TTC23L: variants seen among roughly 807,000 people sequenced by gnomAD.
The protein encoded by TTC23L is tetratricopeptide repeat domain 23 like.
Under a neutral mutation model 48.1 loss-of-function variants are expected in TTC23L, and 42 were observed. That is an observed-to-expected ratio of 0.87 (90% CI 0.68 to 1.13). The LOEUF is 1.13. Ranked by LOEUF, TTC23L falls within the 50% of genes most tolerant of loss-of-function variation. The pLI, the probability that TTC23L is intolerant of heterozygous loss-of-function variation, is 0.00. For synonymous variants in TTC23L, 159 were observed against 157.2 expected (o/e 1.01, Z -0.09); for missense variants, 391 against 421.0 (o/e 0.93, Z 0.62).
At chr5:34,859,906 T>C (rs1760460841) in intron 4 of TTC23L, among the ~76,000 whole-genome samples, 1 of 142,594 alleles carries the variant, frequency 7.0e-6, no homozygotes, top group Admixed American at 7.7e-5. Context: ...TGCAGTAGCG[T>C]GATCTCGGCT....
At chr5:34,874,165 T>C (rs1418981475) in intron 8 of TTC23L, among the ~76,000 whole-genome samples, 1 of 152,080 alleles carries the variant, frequency 6.6e-6, no homozygotes, top group East Asian at 1.9e-4. Context: ...AGAATCACAA[T>C]GTACCAAAGT....
chr5:34,882,301 G>A (rs931321201), intron 9 of TTC23L, among the ~76,000 whole-genome samples: 1 of 152,116 alleles, frequency 6.6e-6, no homozygotes, highest in Non-Finnish European at 1.5e-5. Flanking sequence ...CAAAGGACCT[G>A]AGTGCCAGGT....
At chr5:34,895,159 G>C (rs1396364856) in intron 9 of TTC23L, among the ~76,000 whole-genome samples, 1 of 152,124 alleles carries the variant, frequency 6.6e-6, no homozygotes, top group African/African-American at 2.4e-5. Context: ...GGACAGTTCT[G>C]ATTGTTAGAA....
At chr5:34,852,528 C>A in intron 4 of TTC23L, among the ~76,000 whole-genome samples, 1 of 152,026 alleles carries the variant, frequency 6.6e-6, no homozygotes, top group East Asian at 1.9e-4. Context: ...AGGCAAAGAC[C>A]AGTTAGGCCG....
chr5:34,907,706 C>A, the TTC23L span: 2 of 152,096 alleles, frequency 1.3e-5, no homozygotes, highest in Non-Finnish European at 1.5e-5. Flanking sequence ...AAGAAGAAAA[C>A]CTGTAACACT....
At chr5:34,877,275 A>G (rs982378173) in intron 8 of TTC23L, among the ~76,000 whole-genome samples, 2 of 152,166 alleles carry the variant, frequency 1.3e-5, no homozygotes, top group Non-Finnish European at 2.9e-5. Context: ...TTATGATTAA[A>G]AACTCTCAGC....
chr5:34,883,460 AG>A (rs1423728934), intron 9 of TTC23L: 10 of 163,824 alleles, frequency 6.1e-5, no homozygotes, highest in Admixed American at 2.4e-4. Flanking sequence ...TACTTCATCC[AG>A]GGAAGCACAC....
intron 9 of TTC23L, among the ~76,000 whole-genome samples, chr5:34,889,830 T>G (rs552425671): frequency 1.3e-4 from 19 of 151,880 alleles, no homozygotes; most frequent in Admixed American, 8.5e-4. Context: ...TAGGTGGGGT[T>G]TTTTTTTGTT....
At chr5:34,914,491 T>G in the TTC23L span, 3 of 586,020 alleles carry the variant, frequency 5.1e-6, no homozygotes, top group African/African-American at 3.7e-5. Flanking sequence ...GGGAAAAGAA[T>G]TTGTTACCGG....
At chr5:34,908,553 CTA>C in the TTC23L span, 1 of 460,654 alleles carries the variant, frequency 2.2e-6, no homozygotes, top group Non-Finnish European at 3.9e-6. Flanking sequence ...CCTGAATAAT[CTA>C]TGACTACAGG....
intron 9 of TTC23L, among the ~76,000 whole-genome samples, chr5:34,896,107 G>A (rs1763207276): frequency 6.6e-6 from 1 of 152,184 alleles, no homozygotes; most frequent in South Asian, 2.1e-4. Context: ...AAACTCAGAA[G>A]CCTTTAGTTC....
At chr5:34,862,965 T>C (rs1217858593) in exon 5 of TTC23L, 2 of 1,613,942 alleles carry the variant, frequency 1.2e-6, no homozygotes. Flanking sequence ...GGAAGGCAAA[T>C]ACGACCTCAA....
chr5:34,858,558 C>G (rs1160935734), intron 4 of TTC23L, among the ~76,000 whole-genome samples: 2 of 151,810 alleles, frequency 1.3e-5, no homozygotes, highest in Non-Finnish European at 2.9e-5. Flanking sequence ...TCCCTTATCA[C>G]TAAAAGAAAC....
intron 9 of TTC23L, among the ~76,000 whole-genome samples, chr5:34,890,687 G>C (rs1762816966): frequency 6.6e-6 from 1 of 152,158 alleles, no homozygotes; most frequent in Non-Finnish European, 1.5e-5. Flanking sequence ...CACCCAGGAA[G>C]AGACAAAGGT....
At chr5:34,848,747 AG>A (rs1172532850) in intron 3 of TTC23L, among the ~76,000 whole-genome samples, 1 of 152,170 alleles carries the variant, frequency 6.6e-6, no homozygotes, top group East Asian at 1.9e-4. Context: ...ACCGCTGGTC[AG>A]TGTAGTTCTA....
the TTC23L span, chr5:34,922,860 C>A: frequency 2.3e-6 from 3 of 1,331,176 alleles, no homozygotes; most frequent in South Asian, 2.5e-5. Context: ...TTTAGTTTCA[C>A]CCCCACCTTG....
intron 9 of TTC23L, among the ~76,000 whole-genome samples, chr5:34,893,905 TAAACAC>T (rs1763032720): frequency 6.6e-6 from 1 of 152,008 alleles, no homozygotes; most frequent in Non-Finnish European, 1.5e-5. Flanking sequence ...ATATGACCAA[TAAACAC>T]ACACACACAG....
At chr5:34,893,804 T>TAGAA (rs2307661) in intron 9 of TTC23L, among the ~76,000 whole-genome samples, 83,466 of 151,322 alleles carry the variant, frequency 0.55, 23,135 homozygotes, top group South Asian at 0.69. Context: ...CAGGAAAAAA[T>TAGAA]AGGAAATCAG....
chr5:34,855,137 G>A, intron 4 of TTC23L, among the ~76,000 whole-genome samples: 1 of 150,626 alleles, frequency 6.6e-6, no homozygotes, highest in East Asian at 1.9e-4. Flanking sequence ...GTTAGGACTG[G>A]TAAGATGAAC....
Sources: allele counts gnomAD v4.1 joint callset (sites outside exome capture counted in the v4.1 genomes callset), GRCh38; gene constraint gnomAD v4.1.1; transcripts MANE v1.5; gene names NCBI Gene and HGNC (gene_info 2026-07-23, HGNC 2026-07-21).